Variants in NLRP4 observed in about 807,000 individuals in gnomAD.
The protein encoded by NLRP4 is NLR family pyrin domain containing 4, also known as NACHT, LRR and PYD domains-containing protein 4.
NLRP4 carries 44 observed loss-of-function variants against 84.7 expected under a neutral mutation model. The ratio of observed to expected loss-of-function variants is 0.52; its 90% CI spans 0.41 to 0.67. The LOEUF (loss-of-function observed/expected upper bound fraction) is 0.67, where lower values mean the gene tolerates loss of function less well. Among genes scored for constraint, NLRP4 ranks in the 30% least tolerant of loss-of-function variants. The probability of loss-of-function intolerance (pLI) is 0.00; values close to 1 mark genes in which losing one functional copy is unlikely to be tolerated. For synonymous variants in NLRP4, 544 were observed against 476.4 expected, an observed-to-expected ratio of 1.14 and a Z score of -1.85; for missense variants, 1,260 against 1,219.4, an observed-to-expected ratio of 1.03 and a Z score of -0.50.
intron 1 of NLRP4, among the ~76,000 whole-genome samples, chr19:55,850,948 T>C (rs1182627031): frequency 2.2e-5 from 2 of 92,446 alleles, no homozygotes; most frequent in South Asian, 4.2e-4. Context: ...CGGTGTAATG[T>C]CCGAGGCTGC....
At position 55,861,505 on chromosome 19, in the gene NLRP4, G is replaced by A. The variant is rs146662745; in HGVS notation, c.1976G>A (p.Cys659Tyr). 937 of 1,614,170 alleles carry A rather than the reference G, an allele frequency of 5.8e-4. 1 individual carries two copies. Among genetic ancestry groups the A allele is most frequent in the Non-Finnish European group, 7.4e-4 (872 of 1,180,022 alleles). The change falls in exon 4 of 10, where the codon TGT becomes TAT. Residue 659 changes from cysteine to tyrosine, a missense_variant. By Grantham distance (194) the Cys-to-Tyr change is radical. Coordinates refer to ENST00000301295, the MANE Select transcript of NLRP4 (RefSeq NM_134444.5). ...AGCGAGTCGACCTTTGTGACCTGGTGTAACCAGCTGAGGCATCCCAGCTGT... is the reference window on the plus strand; with the variant it reads ...AGCGAGTCGACCTTTGTGACCTGGTATAACCAGCTGAGGCATCCCAGCTGT... ...TLSESTFVTWCNQLRHPSCRL... is the reference protein window; with the variant it reads ...TLSESTFVTWYNQLRHPSCRL...
At chr19:55,861,944 G>T in intron 4 of NLRP4, 48 bp from the exon 5 acceptor site, 1 of 1,273,602 alleles carries the variant, frequency 7.9e-7, no homozygotes, top group Non-Finnish European at 1.1e-6. Context: ...TGTGCAGGCT[G>T]TGCTCCCATT....
rs1278417491 is a variant in NLRP4, at chr19:55,861,386, G to A, written c.1857G>A (p.Thr619=). The A allele has an allele frequency of 1.2e-6, 2 of 1,612,864 alleles. No individual in the cohort carries two copies. Among genetic ancestry groups the A allele is most frequent in the Non-Finnish European group, 1.7e-6 (2 of 1,179,276 alleles). ...AAAGCTCGTCCTTTCTTGACCACAGGTCGGATTACAGCCTCATCTGTTGGC... is the reference window on the plus strand; with the variant it reads ...AAAGCTCGTCCTTTCTTGACCACAGATCGGATTACAGCCTCATCTGTTGGC... ...VFKKEDEHSS[T]SDYSLICWHH... The change falls in exon 4 of 10, where the codon ACG becomes ACA. Residue 619 remains threonine, a splice_region_variant and synonymous_variant. Transcript: ENST00000301295.
intron 1 of NLRP4, among the ~76,000 whole-genome samples, chr19:55,851,419 G>A (rs911994330): frequency 3.7e-5 from 2 of 53,596 alleles, no homozygotes; most frequent in Non-Finnish European, 5.8e-5. Flanking sequence ...ACGAGGCTGC[G>A]GTGTAATTTA....
At chr19:55,871,686 A>T (rs536255896) in intron 7 of NLRP4, among the ~76,000 whole-genome samples, 4 of 152,300 alleles carry the variant, frequency 2.6e-5, no homozygotes, top group African/African-American at 9.6e-5. Context: ...TCACTTGAAG[A>T]GTATGTTAAA....
intron 6 of NLRP4, among the ~76,000 whole-genome samples, chr19:55,868,179 C>T (rs933421748): frequency 2.0e-5 from 3 of 152,188 alleles, no homozygotes; most frequent in Non-Finnish European, 4.4e-5. Flanking sequence ...GGTTAATGCA[C>T]CTGCAACACA....
rs1287760065 is a variant in NLRP4 at position 55,852,157 on chromosome 19, T to G, written c.77T>G (p.Phe26Cys). 1 of 1,608,422 alleles carries G rather than the reference T, an allele frequency of 6.2e-7. No homozygotes were observed. Residue 26 changes from phenylalanine to cysteine, a missense_variant, in exon 2 of 10, where the codon TTT (phenylalanine) becomes TGT (cysteine). This residue lies in a region of NLRP4 where 712 missense variants were observed against 669.2 expected (regional missense o/e 1.06). Coordinates refer to ENST00000301295, the MANE Select transcript of NLRP4 (RefSeq NM_134444.5). ...EELKKEEFRK[F>C]KEHLKQMTLQ... is the part of the protein sequence containing the mutation. ...CTCAAAAAGGAGGAGTTCAGGAAAT[T>G]TAAAGAACATCTCAAGCAAATGACT... is the stretch of plus-strand genomic sequence containing the variant.
At chr19:55,848,464 C>G (rs974486457) in intron 1 of NLRP4, among the ~76,000 whole-genome samples, 1 of 152,082 alleles carries the variant, frequency 6.6e-6, no homozygotes, top group Admixed American at 6.5e-5. Context: ...AGTGCAGTGG[C>G]ACGATCTCGG....
At chr19:55,869,202 A>G (rs1568671354) in intron 6 of NLRP4, among the ~76,000 whole-genome samples, 1 of 151,962 alleles carries the variant, frequency 6.6e-6, no homozygotes. Context: ...AAAATACAAA[A>G]TACAAAAATT....
chr19:55,857,700 G>A lies in NLRP4; in HGVS notation c.307G>A (p.Ala103Thr), dbSNP rs574404289. ...TGYTKTYQAH[A>T]KQKFSRLWSS... ...ATACACAAAGACCTATCAAGCTCAC[G>A]CAAAGCAGAAATTCAGCCGCTTATG... Residue 103 changes from alanine (A) to threonine (T), a missense_variant, in exon 3 of 10, where the codon GCA becomes ACA. Transcript: ENST00000301295. 30 of 1,613,354 alleles carry A rather than the reference G, an allele frequency of 1.9e-5. No homozygotes were observed. The highest frequency in any genetic ancestry group is 1.1e-4 in the South Asian group (10 of 91,078).
chr19:55,859,306 G>A lies in NLRP4; in HGVS notation c.1856+57G>A, dbSNP rs569970817. The A allele has an allele frequency of 8.9e-5, 128 of 1,438,676 alleles. 3 individuals carry two copies. In the South Asian group the frequency reaches 1.6e-3, roughly 18 times the overall value. 89.1% of individuals were successfully genotyped at this position (1,438,676 alleles called of 1,614,324 possible). A position where few individuals can be genotyped will look rare whatever the true frequency, so the allele number is the denominator to read the frequency against. ...TCAGAATCTGTCTGTATTCCCAAGT[G>A]GGTTTTGCTGAGGGAGTGTTTAATA... is the stretch of plus-strand genomic sequence containing the variant. On this transcript the variant is annotated intron_variant, in intron 3 of 9. Transcript: ENST00000301295.
chr19:55,853,351 C>T (rs753046550), intron 2 of NLRP4, among the ~76,000 whole-genome samples: 4 of 152,072 alleles, frequency 2.6e-5, no homozygotes, highest in Admixed American at 6.6e-5. Context: ...CTGTGTATTC[C>T]ATTCTTCTGT....
intron 5 of NLRP4, 134 bp from the exon 6 acceptor site, chr19:55,867,575 C>A: frequency 1.4e-6 from 1 of 722,436 alleles, no homozygotes; most frequent in Non-Finnish European, 2.3e-6. Flanking sequence ...TGACAGGGAT[C>A]AAGAACAGGG....
In NLRP4 at chr19:55,836,678, C is replaced by G. The variant is rs1265855139; in HGVS notation, c.-322C>G. 2 of 152,270 alleles carry G rather than the reference C, an allele frequency of 1.3e-5. No individual in the cohort carries two copies. The highest frequency in any genetic ancestry group is 2.4e-5 in the African/African-American group (1 of 41,414). 9.4% of individuals were successfully genotyped at this position (152,270 alleles called of 1,614,324 possible). On this transcript the variant is annotated 5_prime_UTR_variant, in exon 1 of 10. In the 5' UTR this introduces an upstream ATG that the reference lacks. Transcript: ENST00000301295. ...CCCTGTCTCCTTTCTTGAGGCTGAT[C>G]GATCACAGCCAGGCCTCTCCATTCT...
At chr19:55,871,423 A>G (rs143383354) in intron 7 of NLRP4, among the ~76,000 whole-genome samples, 1 of 148,204 alleles carries the variant, frequency 6.7e-6, no homozygotes, top group Non-Finnish European at 1.5e-5. Context: ...TGTGTAACAG[A>G]GAATGCTTTA....
rs200258143 is a variant in NLRP4, at chr19:55,861,491, C to G, written c.1962C>G (p.Thr654=). ...AGGACAGCACCCTCAGCGAGTCGAC[C>G]TTTGTGACCTGGTGTAACCAGCTGA... is the stretch of plus-strand genomic sequence containing the variant. ...QVQDSTLSES[T]FVTWCNQLRH... is the part of the protein sequence containing the mutation. The change falls in exon 4 of 10, where the codon ACC becomes ACG. Residue 654 remains threonine (T), a synonymous_variant. Coordinates refer to ENST00000301295, the MANE Select transcript of NLRP4 (RefSeq NM_134444.5). 8 of 1,614,172 alleles carry G rather than the reference C, an allele frequency of 5.0e-6. No individual in the cohort carries two copies. The East Asian group carries it at 1.8e-4, about 36-fold the overall frequency.
At chr19:55,842,701 G>A (rs1403922270) in intron 1 of NLRP4, among the ~76,000 whole-genome samples, 1 of 150,924 alleles carries the variant, frequency 6.6e-6, no homozygotes, top group Non-Finnish European at 1.5e-5. Context: ...TTCCTATAGT[G>A]TAAGTCTTCT....
Position 55,852,367 on chromosome 19 carries a change from G to A in NLRP4, c.280+7G>A, listed in dbSNP as rs1294532122. ...GTCATGAGGGAGAGAACAGGTGAGG[G>A]AGTCTGGGAAGGGGGAAGCCTTCTT... is the stretch of plus-strand genomic sequence containing the variant. On this transcript the variant is annotated splice_region_variant and intron_variant, in intron 2 of 9. Transcript: ENST00000301295. 2 of 1,574,686 alleles carry A rather than the reference G, an allele frequency of 1.3e-6. No individual in the cohort carries two copies. The highest frequency in any genetic ancestry group is 1.7e-6 in the Non-Finnish European group (2 of 1,165,342).
intron 1 of NLRP4, among the ~76,000 whole-genome samples, chr19:55,850,184 AATTTCCG>A (rs1984018799): frequency 9.1e-6 from 1 of 110,326 alleles, no homozygotes; most frequent in African/African-American, 5.8e-5. Flanking sequence ...GCTGCGGTGT[AATTTCCG>A]TGGCTGCGGT....
Sources: gnomAD v4.1 joint callset for allele counts (sites outside exome capture counted in the v4.1 genomes callset) on GRCh38, gnomAD v4.1.1 for gene constraint, gnomAD v4.1.1 regional missense constraint, MANE v1.5 for transcripts, NCBI Gene and HGNC (gene_info 2026-07-23, HGNC 2026-07-21) for gene names.